Variants in PPP2R2B observed in about 807,000 individuals in gnomAD.
The protein encoded by PPP2R2B is protein phosphatase 2 regulatory subunit Bbeta.
PPP2R2B carries 5 observed loss-of-function variants against 46.0 expected under a neutral mutation model. That is an observed-to-expected ratio of 0.11 (90% CI 0.06 to 0.23). The LOEUF (loss-of-function observed/expected upper bound fraction) is 0.23. Among genes scored for constraint, PPP2R2B ranks in the 10% least tolerant of loss-of-function variants. The pLI is 1.00. For missense variants in PPP2R2B, 367 were observed against 575.0 expected (o/e 0.64, Z 3.70); for synonymous variants, 215 against 206.7 (o/e 1.04, Z -0.34).
chr5:146,685,397 C>A (rs149807872), intron 5 of PPP2R2B, among the ~76,000 whole-genome samples: 1,569 of 152,376 alleles, frequency 0.01, 20 homozygotes, highest in Middle Eastern at 0.044. Context: ...CGCCCCAAGC[C>A]TGTCACTAAG....
intron 2 of PPP2R2B, among the ~76,000 whole-genome samples, chr5:146,835,909 G>T (rs1759252360): frequency 1.3e-5 from 2 of 152,086 alleles, no homozygotes; most frequent in Admixed American, 6.5e-5. Context: ...CTAATGAAGT[G>T]GGTTGGCATC....
At chr5:146,748,302 A>G (rs1240783703) in intron 2 of PPP2R2B, among the ~76,000 whole-genome samples, 1 of 152,130 alleles carries the variant, frequency 6.6e-6, no homozygotes, top group Non-Finnish European at 1.5e-5. Context: ...TTCACATGCA[A>G]TTGTAAGAAA....
intron 1 of PPP2R2B, among the ~76,000 whole-genome samples, chr5:146,951,689 CTCA>C (rs1202747676): frequency 1.3e-5 from 2 of 152,076 alleles, no homozygotes; most frequent in African/African-American, 4.8e-5. Context: ...AGGACATGAT[CTCA>C]TTCCTTTTTA....
intron 2 of PPP2R2B, among the ~76,000 whole-genome samples, chr5:146,870,095 T>A (rs896020734): frequency 1.3e-5 from 2 of 152,222 alleles, no homozygotes; most frequent in Non-Finnish European, 2.9e-5. Context: ...GACATCAAGC[T>A]GATCCTTCTA....
chr5:146,884,978 T>G (rs1372209457), intron 1 of PPP2R2B, among the ~76,000 whole-genome samples: 2 of 152,308 alleles, frequency 1.3e-5, no homozygotes, highest in East Asian at 3.9e-4. Flanking sequence ...GCCATAAAAT[T>G]ATTTCTAAAG....
intron 2 of PPP2R2B, among the ~76,000 whole-genome samples, chr5:146,823,362 T>C (rs574831471): frequency 6.6e-6 from 1 of 152,182 alleles, no homozygotes; most frequent in South Asian, 2.1e-4. Context: ...AAGGCCCGCC[T>C]AATTTTTTTT....
intron 2 of PPP2R2B, among the ~76,000 whole-genome samples, chr5:147,070,187 C>T (rs1028024613): frequency 7.2e-5 from 11 of 152,118 alleles, no homozygotes; most frequent in African/African-American, 9.7e-5. Flanking sequence ...AGAATGTGAG[C>T]TCCATTAATA....
At chr5:146,950,259 GTAAAAAT>G (rs2151834907) in intron 1 of PPP2R2B, among the ~76,000 whole-genome samples, 1 of 151,890 alleles carries the variant, frequency 6.6e-6, no homozygotes, top group Non-Finnish European at 1.5e-5. Flanking sequence ...CATTTTACCT[GTAAAAAT>G]TAAAAATAAG....
intron 1 of PPP2R2B, among the ~76,000 whole-genome samples, chr5:147,004,690 C>G (rs998599887): frequency 6.6e-6 from 1 of 152,140 alleles, no homozygotes; most frequent in African/African-American, 2.4e-5. Flanking sequence ...TTGTTGTCCC[C>G]TGCTTGAGGA....
In PPP2R2B at chr5:146,889,675, C is replaced by T. The variant is rs149190728; in HGVS notation, c.79+165990G>A. 3.9e-3 allele frequency among the ~76,000 whole-genome samples: 595 copies of T among 152,258 alleles called. 1 individual carries two copies. Among genetic ancestry groups the T allele is most frequent in the African/African-American group, 0.014 (564 of 41,564 alleles). ...GGTTTATTTTAATCTGTAACCTTTC[C>T]GTATAAGTCATAACCTTGAGTATAA... On this transcript the variant is annotated intron_variant, in intron 1 of 8. Coordinates refer to the PPP2R2B transcript ENST00000336640.
chr5:146,752,386 A>G (rs1380156587), intron 2 of PPP2R2B, among the ~76,000 whole-genome samples: 2 of 152,168 alleles, frequency 1.3e-5, no homozygotes, highest in Non-Finnish European at 2.9e-5. Flanking sequence ...CTTTGGAGAC[A>G]TCTTCCCTGA....
chr5:146,946,024 C>T (rs1262829886), intron 1 of PPP2R2B, among the ~76,000 whole-genome samples: 6 of 152,152 alleles, frequency 3.9e-5, no homozygotes, highest in East Asian at 3.9e-4. Context: ...TTTGGGCTAT[C>T]GATTCTAATT....
chr5:146,782,925 A>G (rs1755622469), intron 2 of PPP2R2B, among the ~76,000 whole-genome samples: 1 of 152,148 alleles, frequency 6.6e-6, no homozygotes, highest in Non-Finnish European at 1.5e-5. Flanking sequence ...GTGGCTAGAA[A>G]TGTGGATACA....
At chr5:146,785,113 T>C (rs1414130870) in intron 2 of PPP2R2B, among the ~76,000 whole-genome samples, 3 of 152,220 alleles carry the variant, frequency 2.0e-5, no homozygotes, top group African/African-American at 7.2e-5. Flanking sequence ...GATAACTCAT[T>C]GAATAAACCC....
chr5:146,877,919 T>C, intron 2 of PPP2R2B, 83 bp downstream of exon 2: 2 of 1,497,016 alleles, frequency 1.3e-6, no homozygotes, highest in Non-Finnish European at 9.1e-7. Context: ...TCTCCGCCAC[T>C]ACGCGCCCAG....
chr5:147,063,144 C>G (rs1314116469), intron 2 of PPP2R2B, among the ~76,000 whole-genome samples: 2 of 151,812 alleles, frequency 1.3e-5, no homozygotes, highest in Non-Finnish European at 2.9e-5. Context: ...ATAAATATTA[C>G]AGAAGGGCCA....
intron 2 of PPP2R2B, among the ~76,000 whole-genome samples, chr5:146,863,975 T>C (rs1015510826): frequency 5.3e-5 from 8 of 152,154 alleles, no homozygotes; most frequent in Non-Finnish European, 8.8e-5. Flanking sequence ...AAAAGGGCCA[T>C]AGCAATTACA....
At chr5:146,630,157 T>G (rs1774331183) in intron 7 of PPP2R2B, among the ~76,000 whole-genome samples, 1 of 152,172 alleles carries the variant, frequency 6.6e-6, no homozygotes, top group Non-Finnish European at 1.5e-5. Flanking sequence ...CTTGTATCCA[T>G]CCACTGATCT....
chr5:146,665,003 C>T (rs1473184432), intron 5 of PPP2R2B, among the ~76,000 whole-genome samples: 4 of 4,046 alleles, frequency 9.9e-4, no homozygotes, highest in African/African-American at 3.1e-3. Flanking sequence ...ATGCTGTAAA[C>T]AGATGTGCTC....
Sources: allele counts gnomAD v4.1 joint callset (sites outside exome capture counted in the v4.1 genomes callset), GRCh38; gene constraint gnomAD v4.1.1; transcripts MANE v1.5; gene names NCBI Gene and HGNC (gene_info 2026-07-23, HGNC 2026-07-21).